TENM4: variants seen among roughly 807,000 people sequenced by gnomAD.
TENM4 encodes the protein teneurin transmembrane protein 4.
In TENM4, 82 loss-of-function variants were observed where a neutral mutation model predicts 243.3. That is an observed-to-expected ratio of 0.34 (90% confidence interval 0.28 to 0.40). TENM4 has a LOEUF of 0.40. TENM4 is among the 10% of genes least tolerant of loss of function. The pLI, the probability that TENM4 is intolerant of heterozygous loss-of-function variation, is 1.00. For synonymous variants in TENM4, 1,412 were observed against 1,456.3 expected, an observed-to-expected ratio of 0.97 and a Z score of 0.69; for missense variants, 3,138 against 3,673.3, an observed-to-expected ratio of 0.85 and a Z score of 3.77.
chr11:79,111,501 C>T (rs756115256), intron 4 of TENM4, among the ~76,000 whole-genome samples: 33 of 152,184 alleles, frequency 2.2e-4, no homozygotes, highest in Non-Finnish European at 4.3e-4. Flanking sequence ...GCCGAGATGG[C>T]GCTGCTGCAC....
At chr11:78,662,005 A>C (rs1858043445) in intron 32 of TENM4, among the ~76,000 whole-genome samples, 1 of 152,134 alleles carries the variant, frequency 6.6e-6, no homozygotes, top group South Asian at 2.1e-4. Flanking sequence ...ACTTGCAAAG[A>C]GACAATTCAC....
intron 16 of TENM4, among the ~76,000 whole-genome samples, chr11:78,783,804 A>C (rs1591020923): frequency 6.6e-6 from 1 of 152,256 alleles, no homozygotes; most frequent in East Asian, 1.9e-4. Flanking sequence ...ATGAAAGATA[A>C]GGTGAGCCAA....
At chr11:79,041,742 T>G (rs191362208) in intron 6 of TENM4, among the ~76,000 whole-genome samples, 1 of 152,360 alleles carries the variant, frequency 6.6e-6, no homozygotes, top group Non-Finnish European at 1.5e-5. Flanking sequence ...TTTGGTGAGT[T>G]ATAATTTATT....
At chr11:78,866,026 T>TA (rs1858965967) in intron 9 of TENM4, among the ~76,000 whole-genome samples, 1 of 152,348 alleles carries the variant, frequency 6.6e-6, no homozygotes, top group South Asian at 2.1e-4. Context: ...TCACTGACAT[T>TA]TATTGAGCAC....
chr11:78,908,152 C>T (rs1856103518), intron 6 of TENM4, among the ~76,000 whole-genome samples: 1 of 152,168 alleles, frequency 6.6e-6, no homozygotes, highest in African/African-American at 2.4e-5. Context: ...CAATGCTGGG[C>T]AGAGCCGTAT....
rs1047448734 is a variant in TENM4 at position 79,032,527 on chromosome 11, G to T, written c.493+32211C>A. On this transcript the variant is annotated intron_variant, in intron 6 of 33. Coordinates refer to ENST00000278550, the MANE Select transcript of TENM4 (RefSeq NM_001098816.3). ...TATAAGTTTCTAAAAGGCGCCTCCTGCAGTGAGAAGTGTGTGATAGGCATG... is the reference window on the plus strand; with the variant it reads ...TATAAGTTTCTAAAAGGCGCCTCCTTCAGTGAGAAGTGTGTGATAGGCATG... 5.3e-5 allele frequency among the ~76,000 whole-genome samples: 8 copies of T among 152,284 alleles called. No homozygotes were observed. In the East Asian group the frequency reaches 1.5e-3, roughly 29 times the overall value.
At chr11:78,684,775 C>T (rs942932773) in intron 29 of TENM4, among the ~76,000 whole-genome samples, 7 of 152,148 alleles carry the variant, frequency 4.6e-5, no homozygotes, top group African/African-American at 1.2e-4. Context: ...TAGGCATATG[C>T]GGTACTATAT....
At chr11:78,667,394 C>T (rs909366027) in intron 32 of TENM4, among the ~76,000 whole-genome samples, 11 of 152,196 alleles carry the variant, frequency 7.2e-5, no homozygotes, top group African/African-American at 1.7e-4. Flanking sequence ...TGGGAAGCCA[C>T]GTCTGTAAGG....
chr11:79,373,987 A>T (rs529231349), intron 1 of TENM4, among the ~76,000 whole-genome samples: 4 of 152,324 alleles, frequency 2.6e-5, no homozygotes, highest in African/African-American at 9.6e-5. Context: ...GGGGCAGGAA[A>T]GCAGGTAGGA....
At chr11:78,875,960 T>A (rs1344825195) in intron 9 of TENM4, among the ~76,000 whole-genome samples, 1 of 152,202 alleles carries the variant, frequency 6.6e-6, no homozygotes. Context: ...AAGGGCAATG[T>A]GGCCCTTGTT....
At chr11:78,672,388 G>T in intron 30 of TENM4, 59 bp from the exon 31 acceptor site, 1 of 1,550,778 alleles carries the variant, frequency 6.4e-7, no homozygotes, top group South Asian at 1.2e-5. Context: ...ACTTTGGTCT[G>T]ATGGGCCACG....
In TENM4 at chr11:79,194,164, C is replaced by G. The variant is rs145181043; in HGVS notation, c.-163+21644G>C. 1.4e-3 allele frequency among the ~76,000 whole-genome samples: 219 copies of G among 152,054 alleles called. 3 individuals are homozygous for G. In the East Asian group the frequency reaches 0.018, roughly 13 times the overall value. On this transcript the variant is annotated intron_variant, in intron 3 of 33. Transcript: ENST00000278550. ...TCTTGCTGCCGCCACGTTAGAAGCGCCTTTTGCCTCCCACCATGATTCTGA... is the reference window on the plus strand; with the variant it reads ...TCTTGCTGCCGCCACGTTAGAAGCGGCTTTTGCCTCCCACCATGATTCTGA...
At chr11:78,778,143 G>A (rs1386093795) in intron 17 of TENM4, among the ~76,000 whole-genome samples, 2 of 152,124 alleles carry the variant, frequency 1.3e-5, no homozygotes, top group Non-Finnish European at 2.9e-5. Context: ...CTCGTTGGAC[G>A]AATGAACACA....
At chr11:78,870,609 G>A (rs111700472) in intron 9 of TENM4, among the ~76,000 whole-genome samples, 2 of 152,260 alleles carry the variant, frequency 1.3e-5, no homozygotes, top group Non-Finnish European at 2.9e-5. Flanking sequence ...CAAATTAAGT[G>A]TTTTCTGGAG....
At chr11:78,883,621 G>A (rs1855485330) in intron 9 of TENM4, among the ~76,000 whole-genome samples, 1 of 152,212 alleles carries the variant, frequency 6.6e-6, no homozygotes, top group African/African-American at 2.4e-5. Flanking sequence ...AGGCCTACCT[G>A]GCAAGACAGG....
Position 78,654,609 on chromosome 11 carries a change from C to T in TENM4, c.*3449G>A, listed in dbSNP as rs2135600988. 6.6e-6 allele frequency: 1 copy of T among 152,334 alleles called. No individual in the cohort carries two copies. The highest frequency in any genetic ancestry group is 2.1e-4 in the South Asian group (1 of 4,824). 9.4% of individuals were successfully genotyped at this position (152,334 alleles called of 1,614,324 possible). On this transcript the variant is annotated 3_prime_UTR_variant, in exon 34 of 34. Coordinates refer to ENST00000278550, the MANE Select transcript of TENM4 (RefSeq NM_001098816.3). ...TTTGGACACACACCTCCTGGCCATTCTCACCCTCAGTCAGTTTCTTAGGGA... is the reference window on the plus strand; with the variant it reads ...TTTGGACACACACCTCCTGGCCATTTTCACCCTCAGTCAGTTTCTTAGGGA...
At chr11:79,246,502 A>ACAGT (rs1307694774) in intron 2 of TENM4, among the ~76,000 whole-genome samples, 1 of 152,222 alleles carries the variant, frequency 6.6e-6, no homozygotes, top group Non-Finnish European at 1.5e-5. Flanking sequence ...ATCATTTGTA[A>ACAGT]CAGTCAAACA....
intron 18 of TENM4, among the ~76,000 whole-genome samples, chr11:78,762,947 A>G (rs995373924): frequency 2.0e-5 from 3 of 152,192 alleles, no homozygotes; most frequent in Admixed American, 6.5e-5. Flanking sequence ...ACATATTAAT[A>G]CACAGTTTGG....
chr11:78,929,105 CT>C lies in TENM4; in HGVS notation c.494-25583del, dbSNP rs201794622. Reference sequence around the variant, plus strand: ...CACCATGCAGAGAAGGGAAGTCCATCTCACCCTCAGAATGCTCATTATCCAC... The same window carrying C: ...CACCATGCAGAGAAGGGAAGTCCATCCACCCTCAGAATGCTCATTATCCAC... On this transcript the variant is annotated intron_variant, in intron 6 of 33. Coordinates refer to ENST00000278550, the MANE Select transcript of TENM4 (RefSeq NM_001098816.3). 5.3e-3 allele frequency among the ~76,000 whole-genome samples: 806 copies of C among 152,312 alleles called. 3 individuals are homozygous for C. The highest frequency in any genetic ancestry group is 6.8e-3 in the Middle Eastern group (2 of 294).
Sources: allele counts gnomAD v4.1 joint callset (sites outside exome capture counted in the v4.1 genomes callset), GRCh38; gene constraint gnomAD v4.1.1; transcripts MANE v1.5; gene names NCBI Gene and HGNC (gene_info 2026-07-23, HGNC 2026-07-21).